Variants in MEIOB observed in about 807,000 individuals in gnomAD.
MEIOB encodes meiosis-specific with OB domain-containing protein.
A neutral mutation model predicts 53.1 loss-of-function variants in MEIOB; 50 were observed. That is an observed-to-expected ratio of 0.94 (90% CI 0.75 to 1.19). The LOEUF (loss-of-function observed/expected upper bound fraction) is 1.19. MEIOB is among the 50% of genes most tolerant of loss of function. The pLI, the probability that MEIOB is intolerant of heterozygous loss-of-function variation, is 0.00. For synonymous variants in MEIOB, 192 were observed against 182.5 expected (o/e 1.05, Z -0.42); for missense variants, 551 against 550.8 (o/e 1.00, Z 0.00).
At chr16:1,846,306 A>G (rs929679582) in intron 9 of MEIOB, among the ~76,000 whole-genome samples, 1 of 152,114 alleles carries the variant, frequency 6.6e-6, no homozygotes, top group Non-Finnish European at 1.5e-5. Context: ...ATGGGTGGGT[A>G]CCAGCACTGC....
chr16:1,853,445 A>T (rs777261375), intron 7 of MEIOB, among the ~76,000 whole-genome samples, 174 bp from the exon 8 acceptor site: 15 of 152,206 alleles, frequency 9.9e-5, no homozygotes, highest in Non-Finnish European at 1.6e-4. Flanking sequence ...AGAATTTAAC[A>T]ACTCCATGAG....
chr16:1,835,461 T>C (rs1898717755), intron 13 of MEIOB, among the ~76,000 whole-genome samples: 1 of 152,092 alleles, frequency 6.6e-6, no homozygotes. Context: ...TTATTTAATA[T>C]AGAGTGGAAG....
rs542509711 is a variant in MEIOB, at chr16:1,837,885, A to T, written c.1219-15T>A. 56 of 1,444,068 alleles carry T rather than the reference A, an allele frequency of 3.9e-5. No homozygotes were observed. Among genetic ancestry groups the T allele is most frequent in the African/African-American group, 2.9e-4 (20 of 69,096 alleles). 89.5% of individuals were successfully genotyped at this position (1,444,068 alleles called of 1,614,324 possible). ...AACTCATGTACCTGGTTAAAAAAAA[A>T]ATATGAGACAAATATATTTGAAGTT... On this transcript the variant is annotated splice_polypyrimidine_tract_variant and intron_variant, in intron 12 of 13. Coordinates refer to ENST00000325962, the MANE Select transcript of MEIOB (RefSeq NM_001163560.3).
rs151161262 is a variant in MEIOB, at chr16:1,865,337, C to A, written c.127+441G>T. ...ATTCCAGCTACTCGGGAGGTTGAAG[C>A]AGGAGAATCGATTGAACCCAGGAGG... On this transcript the variant is annotated intron_variant, in intron 3 of 13. Coordinates refer to ENST00000325962, the MANE Select transcript of MEIOB (RefSeq NM_001163560.3). Among the ~76,000 whole-genome samples, 751 of 151,608 alleles carry A rather than the reference C, an allele frequency of 5.0e-3. 6 individuals are homozygous for A. The highest frequency in any genetic ancestry group is 0.018 in the African/African-American group (728 of 41,330).
intron 1 of MEIOB, among the ~76,000 whole-genome samples, chr16:1,869,228 G>T (rs1456485935): frequency 6.6e-6 from 1 of 151,954 alleles, no homozygotes; most frequent in Non-Finnish European, 1.5e-5. Flanking sequence ...AGGCTCAAGC[G>T]ATTCTTCTGC....
chr16:1,868,090 A>G lies in MEIOB; in HGVS notation c.69+17T>C. 1 of 1,367,454 alleles carries G rather than the reference A, an allele frequency of 7.3e-7. No individual in the cohort carries two copies. The highest frequency in any genetic ancestry group is 1.0e-6 in the Non-Finnish European group (1 of 985,266). 84.7% of individuals were successfully genotyped at this position (1,367,454 alleles called of 1,614,324 possible). Reference sequence around the variant, plus strand: ...AAATGTCATCAGTAAGCAAATCACCACATTATTGAAACCTACCAGATTAGC... The same window carrying G: ...AAATGTCATCAGTAAGCAAATCACCGCATTATTGAAACCTACCAGATTAGC... On this transcript the variant is annotated intron_variant, in intron 2 of 13. Transcript: ENST00000325962.
intron 5 of MEIOB, among the ~76,000 whole-genome samples, chr16:1,859,370 C>T (rs1303893062): frequency 1.3e-5 from 2 of 151,954 alleles, no homozygotes; most frequent in East Asian, 1.9e-4. Context: ...AGCAAAACCC[C>T]GCCTCTACTA....
intron 2 of MEIOB, among the ~76,000 whole-genome samples, chr16:1,866,130 T>C (rs1899588082): frequency 6.6e-6 from 1 of 152,340 alleles, no homozygotes; most frequent in East Asian, 1.9e-4. Context: ...TGCCCTATGC[T>C]ATCAATCCTT....
At chr16:1,856,759 CTTTTT>C (rs3045430) in intron 6 of MEIOB, among the ~76,000 whole-genome samples, 16 of 84,182 alleles carry the variant, frequency 1.9e-4, no homozygotes, top group Admixed American at 2.9e-4. Context: ...CACGCCAGGC[CTTTTT>C]TTTTTTTTTT....
intron 4 of MEIOB, among the ~76,000 whole-genome samples, chr16:1,861,759 T>C (rs1330639909): frequency 6.6e-6 from 1 of 152,058 alleles, no homozygotes; most frequent in Non-Finnish European, 1.5e-5. Flanking sequence ...GGTCTCGAAC[T>C]CCTGAACTCA....
At chr16:1,869,439 G>C (rs1182400298) in intron 1 of MEIOB, among the ~76,000 whole-genome samples, 1 of 151,396 alleles carries the variant, frequency 6.6e-6, no homozygotes. Flanking sequence ...TTACATGCAA[G>C]ATGATTCAAT....
At chr16:1,857,692 C>G in intron 6 of MEIOB, 43 bp downstream of exon 6, 1 of 1,483,722 alleles carries the variant, frequency 6.7e-7, no homozygotes, top group Non-Finnish European at 9.2e-7. Context: ...GACTGCACCT[C>G]CCCTGCCAGA....
rs546349742 is a variant in MEIOB, at chr16:1,863,929, G to C, written c.128-1813C>G. Among the ~76,000 whole-genome samples the C allele has an allele frequency of 3.9e-5, 6 of 152,180 alleles. No individual in the cohort carries two copies. In the East Asian group the frequency reaches 5.8e-4, roughly 15 times the overall value. On this transcript the variant is annotated intron_variant, in intron 3 of 13. Transcript: ENST00000325962. ...AATCCCGGCACCTTGGGAGGCCAAG[G>C]GGGTAAGATTGCTTCAGCCAAGGAG...
chr16:1,863,519 T>G (rs392913), intron 3 of MEIOB, among the ~76,000 whole-genome samples: 1 of 151,504 alleles, frequency 6.6e-6, no homozygotes, highest in East Asian at 1.9e-4. Flanking sequence ...CCCAAGTAGC[T>G]GGGACTACAG....
At chr16:1,865,480 CACGTGTACACACATACACACACAT>C (rs1449463015) in intron 3 of MEIOB, among the ~76,000 whole-genome samples, 1 of 5,288 alleles carries the variant, frequency 1.9e-4, no homozygotes, top group Non-Finnish European at 5.3e-4. Context: ...TATATACACA[CACGTGTACACACATACACACACAT>C]ACACATGCAC....
At chr16:1,858,484 G>A (rs1488770561) in intron 5 of MEIOB, among the ~76,000 whole-genome samples, 5 of 151,968 alleles carry the variant, frequency 3.3e-5, no homozygotes, top group Admixed American at 6.6e-5. Flanking sequence ...CCCACTGCTC[G>A]GCCTCACTTA....
At chr16:1,865,868 T>G (rs1244614523) in intron 2 of MEIOB, 33 bp from the exon 3 acceptor site, 34 of 1,440,170 alleles carry the variant, frequency 2.4e-5, no homozygotes, top group Non-Finnish European at 3.0e-5. Context: ...AAGACCAATA[T>G]TAAACACAGA....
chr16:1,855,161 G>C (rs5006377), intron 6 of MEIOB, among the ~76,000 whole-genome samples: 125,498 of 152,016 alleles, frequency 0.83, 51,925 homozygotes, highest in Middle Eastern at 0.9. Flanking sequence ...TGGCCGGGAG[G>C]GGTGGCTCAC....
chr16:1,855,525 G>A (rs2142091122), intron 6 of MEIOB, among the ~76,000 whole-genome samples: 1 of 152,246 alleles, frequency 6.6e-6, no homozygotes, highest in South Asian at 2.1e-4. Context: ...GAAGTGACGT[G>A]ACACATGAAA....
Sources: gnomAD v4.1 joint callset for allele counts (sites outside exome capture counted in the v4.1 genomes callset) on GRCh38, gnomAD v4.1.1 for gene constraint, MANE v1.5 for transcripts, NCBI Gene and HGNC (gene_info 2026-07-23, HGNC 2026-07-21) for gene names.